ZNF697: variants seen among roughly 807,000 people sequenced by gnomAD.
The protein encoded by ZNF697 is zinc finger protein 697.
A neutral mutation model predicts 32.4 loss-of-function variants in ZNF697; 23 were observed. That is an observed-to-expected ratio of 0.71 (90% CI 0.51 to 1.01). The LOEUF (loss-of-function observed/expected upper bound fraction) is 1.01. Among genes scored for constraint, ZNF697 ranks in the 50% least tolerant of loss-of-function variants. The probability of loss-of-function intolerance (pLI) is 0.00; values close to 1 mark genes in which losing one functional copy is unlikely to be tolerated. For synonymous variants in ZNF697, 418 were observed against 337.2 expected, an observed-to-expected ratio of 1.24 and a Z score of -2.62; for missense variants, 930 against 794.0, an observed-to-expected ratio of 1.17 and a Z score of -2.06.
In ZNF697 at chr1:119,623,657, C is replaced by T. The variant is rs1227663744; in HGVS notation, c.686G>A (p.Gly229Asp). 1 of 1,513,014 alleles carries T rather than the reference C, an allele frequency of 6.6e-7. No individual in the cohort carries two copies. The allele number at this position is 1,513,014 out of a possible 1,614,324, so 93.7% of individuals were successfully genotyped here. ...CATGCCCACCATCGCGTCGCACTCGCCCGCCAGGCCGAAGGGCTCCAGGCT... is the reference window on the plus strand; with the variant it reads ...CATGCCCACCATCGCGTCGCACTCGTCCGCCAGGCCGAAGGGCTCCAGGCT... ...AASLEPFGLA[G>D]ECDAMVGMMG... is the part of the protein sequence containing the mutation. The change falls in exon 3 of 3, where the codon GGC (glycine) becomes GAC (aspartate). Residue 229 changes from glycine to aspartate, a missense_variant. Transcript: ENST00000421812.
Position 119,623,117 on chromosome 1 carries a change from T to C in ZNF697, c.1226A>G (p.Tyr409Cys). Residue 409 changes from tyrosine to cysteine, a missense_variant, in exon 3 of 3, where the codon TAC (tyrosine) becomes TGC (cysteine). Tyr to Cys is a radical substitution (Grantham distance 194). Transcript: ENST00000421812. ...GGTCTCGCCGCACTCGGAGCACATG[T>C]AGGGCTTCTCGCCCGTGTGCACGCG... Reference protein sequence around the residue: ...HQRVHTGEKPYMCSECGETFS... With the variant: ...HQRVHTGEKPCMCSECGETFS... 1 of 1,591,024 alleles carries C rather than the reference T, an allele frequency of 6.3e-7. No homozygotes were observed. The highest frequency in any genetic ancestry group is 8.6e-7 in the Non-Finnish European group (1 of 1,169,322).
At chr1:119,630,074 G>A (rs1488386938) in intron 1 of ZNF697, among the ~76,000 whole-genome samples, 5 of 152,190 alleles carry the variant, frequency 3.3e-5, no homozygotes, top group Admixed American at 3.3e-4. Flanking sequence ...GAAGTTTAAG[G>A]GGGAAAAGCA....
chr1:119,623,588 A>G lies in ZNF697; in HGVS notation c.755T>C (p.Leu252Pro). The G allele has an allele frequency of 7.0e-7, 1 of 1,434,266 alleles. No homozygotes were observed. 88.8% of individuals were successfully genotyped at this position (1,434,266 alleles called of 1,614,324 possible). ...GGGCTTTTCGCGCGGGGGCCGGGCC[A>G]GCGGGGGCCCGGCCCCGAAGCCCCC... The part of the protein sequence containing the change: ...VAGGFGAGPP[L>P]ARPPREKPFR... Residue 252 changes from leucine (L) to proline (P), a missense_variant, in exon 3 of 3, where the codon CTG becomes CCG. By Grantham distance (98) the Leu-to-Pro change is moderately conservative (BLOSUM62 -3). Transcript: ENST00000421812.
At chr1:119,637,553 C>T (rs1168825548) in intron 1 of ZNF697, among the ~76,000 whole-genome samples, 1 of 152,260 alleles carries the variant, frequency 6.6e-6, no homozygotes, top group Admixed American at 6.5e-5. Flanking sequence ...CCTTGCACCA[C>T]ATTCTCCCAA....
chr1:119,643,526 T>G (rs1649133005), intron 1 of ZNF697, among the ~76,000 whole-genome samples: 1 of 152,192 alleles, frequency 6.6e-6, no homozygotes, highest in Non-Finnish European at 1.5e-5. Flanking sequence ...CTACTGATCT[T>G]TTAACCATCC....
intron 2 of ZNF697, among the ~76,000 whole-genome samples, chr1:119,624,350 G>A (rs1220067315): frequency 3.8e-5 from 5 of 133,308 alleles, no homozygotes; most frequent in African/African-American, 9.2e-5. Context: ...CAGCCTCCTC[G>A]GGCCCAGGCC....
chr1:119,625,842 C>T, intron 2 of ZNF697, 33 bp downstream of exon 2: 3 of 1,608,978 alleles, frequency 1.9e-6, no homozygotes, highest in Non-Finnish European at 2.5e-6. Flanking sequence ...GTAACTTTGG[C>T]AACTTGCATA....
chr1:119,624,839 C>G (rs951357466), intron 2 of ZNF697, among the ~76,000 whole-genome samples: 2 of 152,162 alleles, frequency 1.3e-5, no homozygotes, highest in African/African-American at 4.8e-5. Flanking sequence ...TTTCTGCCCA[C>G]CTCGGCTCCC....
chr1:119,623,028 A>C lies in ZNF697; in HGVS notation c.1315T>G (p.Cys439Gly). The C allele has an allele frequency of 6.3e-7, 1 of 1,590,332 alleles. No homozygotes were observed. Among genetic ancestry groups the C allele is most frequent in the Non-Finnish European group, 8.6e-7 (1 of 1,167,016 alleles). The change falls in exon 3 of 3, where the codon TGC (cysteine) becomes GGC (glycine). Residue 439 changes from cysteine (C) to glycine (G), a missense_variant. Cys to Gly is a radical substitution (Grantham distance 159). Coordinates refer to ENST00000421812, the MANE Select transcript of ZNF697 (RefSeq NM_001080470.2). ...CCGAAGCCCTTCCCGCACTCGCGGC[A>C]CACGTAGGGCCGCTCACCCGAGTGC... ...RTHSGERPYV[C>G]RECGKGFGRN...
intron 1 of ZNF697, among the ~76,000 whole-genome samples, chr1:119,646,322 A>AACACACACACACAC (rs61339576): frequency 0.012 from 1,616 of 136,876 alleles, 43 homozygotes; most frequent in African/African-American, 0.032. Flanking sequence ...CCCCACTTCC[A>AACACACACACACAC]ACACACACAC....
At chr1:119,629,339 A>G (rs1362030922) in intron 1 of ZNF697, among the ~76,000 whole-genome samples, 1 of 152,240 alleles carries the variant, frequency 6.6e-6, no homozygotes, top group Non-Finnish European at 1.5e-5. Flanking sequence ...ACCAGACACC[A>G]TGGTATAAAG....
intron 1 of ZNF697, among the ~76,000 whole-genome samples, chr1:119,627,896 A>G (rs1005732105): frequency 2.6e-5 from 4 of 152,158 alleles, no homozygotes; most frequent in African/African-American, 9.7e-5. Context: ...ACTGACCCCA[A>G]ATCACTTCTG....
chr1:119,633,399 G>GTGTGT (rs1557939125), intron 1 of ZNF697, among the ~76,000 whole-genome samples: 18 of 148,104 alleles, frequency 1.2e-4, no homozygotes, highest in African/African-American at 4.1e-4. Context: ...TGTGTATAGA[G>GTGTGT]AGAGAGAGAG....
Position 119,623,629 on chromosome 1 carries a change from C to T in ZNF697, c.714G>A (p.Met238Ile), listed in dbSNP as rs763235177. Residue 238 changes from methionine to isoleucine, a missense_variant, in exon 3 of 3, where the codon ATG becomes ATA. Met to Ile is a conservative substitution (Grantham distance 10). Coordinates refer to ENST00000421812, the MANE Select transcript of ZNF697 (RefSeq NM_001080470.2). ...AGECDAMVGM[M>I]GVGVAGGFGA... ...CGAAGCCCCCCGCCACACCCACCCC[C>T]ATCATGCCCACCATCGCGTCGCACT... 1.4e-5 allele frequency: 21 copies of T among 1,488,610 alleles called. No individual in the cohort carries two copies. The highest frequency in any genetic ancestry group is 2.9e-5 in the African/African-American group (2 of 68,928). The allele number at this position is 1,488,610 out of a possible 1,614,324, so 92.2% of individuals were successfully genotyped here. A position where few individuals can be genotyped will look rare whatever the true frequency, so the allele number is the denominator to read the frequency against.
At chr1:119,629,945 T>A (rs1360103720) in intron 1 of ZNF697, among the ~76,000 whole-genome samples, 2 of 152,210 alleles carry the variant, frequency 1.3e-5, no homozygotes, top group Admixed American at 1.3e-4. Context: ...AGCTGCTGAT[T>A]GCCCATCCTG....
chr1:119,623,048 G>C lies in ZNF697; in HGVS notation c.1295C>G (p.Ser432Trp). The change falls in exon 3 of 3, where the codon TCG becomes TGG. Residue 432 changes from serine (S) to tryptophan (W), a missense_variant. Transcript: ENST00000421812. ...SHLFTHKRTHSGERPYVCREC... is the reference protein window; with the variant it reads ...SHLFTHKRTHWGERPYVCREC... ...GCGGCACACGTAGGGCCGCTCACCC[G>C]AGTGCGTGCGCTTGTGCGTGAAGAG... 3 of 1,587,242 alleles carry C rather than the reference G, an allele frequency of 1.9e-6. No homozygotes were observed. In the South Asian group the frequency reaches 3.4e-5, roughly 18 times the overall value.
chr1:119,643,867 T>C (rs1649141399), intron 1 of ZNF697, among the ~76,000 whole-genome samples: 1 of 152,232 alleles, frequency 6.6e-6, no homozygotes, highest in African/African-American at 2.4e-5. Context: ...ACTTTCCTCT[T>C]TTGGAAGTTA....
chr1:119,639,895 A>G (rs935332461), intron 1 of ZNF697, among the ~76,000 whole-genome samples: 2 of 152,192 alleles, frequency 1.3e-5, no homozygotes, highest in African/African-American at 4.8e-5. Context: ...CTGGAGCCAT[A>G]CGACCTGTGT....
chr1:119,622,682 G>A lies in ZNF697; in HGVS notation c.*23C>T. 3 of 1,487,642 alleles carry A rather than the reference G, an allele frequency of 2.0e-6. No individual in the cohort carries two copies. The highest frequency in any genetic ancestry group is 2.7e-6 in the Non-Finnish European group (3 of 1,116,800). 92.2% of individuals were successfully genotyped at this position (1,487,642 alleles called of 1,614,324 possible). On this transcript the variant is annotated 3_prime_UTR_variant, in exon 3 of 3. Transcript: ENST00000421812. Reference sequence around the variant, plus strand: ...CTACCCCCCACAGGCTCCCCAGACGGCAGCCTCCCGCGGACCCAGCCCCTA... The same window carrying A: ...CTACCCCCCACAGGCTCCCCAGACGACAGCCTCCCGCGGACCCAGCCCCTA...
Sources: allele counts gnomAD v4.1 joint callset (sites outside exome capture counted in the v4.1 genomes callset), GRCh38; gene constraint gnomAD v4.1.1; transcripts MANE v1.5; gene names NCBI Gene and HGNC (gene_info 2026-07-23, HGNC 2026-07-21).